TENM2: variants seen among roughly 807,000 people sequenced by gnomAD.
The protein encoded by TENM2 is teneurin transmembrane protein 2.
Under a neutral mutation model 245.2 loss-of-function variants are expected in TENM2, and 52 were observed. That is an observed-to-expected ratio of 0.21 (90% CI 0.17 to 0.27). TENM2 has a LOEUF of 0.27. TENM2 is among the 10% of genes least tolerant of loss of function. TENM2 has a pLI of 1.00. For missense variants in TENM2, 3,046 were observed against 3,666.8 expected, an observed-to-expected ratio of 0.83 and a Z score of 4.37; for synonymous variants, 1,363 against 1,438.9, an observed-to-expected ratio of 0.95 and a Z score of 1.19.
At chr5:167,499,751 G>T (rs1470484239) in intron 2 of TENM2, among the ~76,000 whole-genome samples, 1 of 152,054 alleles carries the variant, frequency 6.6e-6, no homozygotes, top group Non-Finnish European at 1.5e-5. Context: ...TTGGTTCATA[G>T]GTATTTGCTC....
At chr5:168,026,521 T>C (rs985807261) in intron 5 of TENM2, among the ~76,000 whole-genome samples, 2 of 152,204 alleles carry the variant, frequency 1.3e-5, no homozygotes, top group African/African-American at 4.8e-5. Flanking sequence ...AAATCATATG[T>C]GGTAAATTAT....
chr5:167,816,965 G>GA (rs1446184830), intron 2 of TENM2, among the ~76,000 whole-genome samples: 1 of 152,190 alleles, frequency 6.6e-6, no homozygotes, highest in Non-Finnish European at 1.5e-5. Context: ...ACTCGTATTA[G>GA]AAAGTGATTA....
chr5:167,987,706 A>G (rs1783356150), intron 4 of TENM2, among the ~76,000 whole-genome samples: 1 of 152,008 alleles, frequency 6.6e-6, no homozygotes, highest in South Asian at 2.1e-4. Flanking sequence ...TTTAACACTG[A>G]GTGCCGCGTT....
At chr5:167,534,795 G>A (rs922107101) in intron 2 of TENM2, among the ~76,000 whole-genome samples, 22 of 152,136 alleles carry the variant, frequency 1.4e-4, no homozygotes, top group African/African-American at 4.3e-4. Context: ...TTCTATTATC[G>A]TCTGTCAACG....
At chr5:167,239,132 C>T in the TENM2 span, among the ~76,000 whole-genome samples, 5 of 152,208 alleles carry the variant, frequency 3.3e-5, no homozygotes, top group African/African-American at 1.2e-4. Flanking sequence ...CTGGTCTCTC[C>T]AAGGTATCTT....
the TENM2 span, among the ~76,000 whole-genome samples, chr5:167,177,330 A>G: frequency 6.6e-6 from 1 of 152,326 alleles, no homozygotes; most frequent in African/African-American, 2.4e-5. Flanking sequence ...CGGTAATTAT[A>G]TCCAAAACTT....
intron 2 of TENM2, among the ~76,000 whole-genome samples, chr5:167,412,666 A>C (rs1278219823): frequency 2.0e-5 from 3 of 152,136 alleles, no homozygotes; most frequent in Non-Finnish European, 4.4e-5. Flanking sequence ...TAGAAAGGTT[A>C]GGCAATTTGT....
At chr5:167,748,953 C>T (rs1468312551) in intron 2 of TENM2, among the ~76,000 whole-genome samples, 5 of 152,070 alleles carry the variant, frequency 3.3e-5, no homozygotes, top group South Asian at 2.1e-4. Context: ...TGCTATATTG[C>T]CTAGGCTGGT....
At chr5:167,449,102 A>G (rs1221875428) in intron 2 of TENM2, among the ~76,000 whole-genome samples, 1 of 152,222 alleles carries the variant, frequency 6.6e-6, no homozygotes, top group Non-Finnish European at 1.5e-5. Flanking sequence ...TAATTTTCCA[A>G]ATAAAATTGT....
chr5:167,371,353 C>CTT (rs1760421036), intron 1 of TENM2, among the ~76,000 whole-genome samples: 5 of 118,034 alleles, frequency 4.2e-5, no homozygotes, highest in Admixed American at 8.5e-5. Flanking sequence ...TTTTTTCTTT[C>CTT]TTTTCTTTTT....
intron 9 of TENM2, among the ~76,000 whole-genome samples, chr5:168,113,137 A>G (rs963248895): frequency 3.3e-5 from 5 of 152,048 alleles, no homozygotes; most frequent in African/African-American, 1.2e-4. Flanking sequence ...GGCAACATAA[A>G]GAGACCCCGT....
chr5:167,203,507 T>G, the TENM2 span, among the ~76,000 whole-genome samples: 1 of 152,220 alleles, frequency 6.6e-6, no homozygotes, highest in African/African-American at 2.4e-5. Context: ...GTCCCCAGAC[T>G]GAAGCAAAGG....
At position 168,193,875 on chromosome 5, in the gene TENM2, T is replaced by G. The variant is rs1337896377; in HGVS notation, c.2781-1301T>G. On this transcript the variant is annotated intron_variant, in intron 14 of 28. Transcript: ENST00000518659. ...TTTCCACTTTAAAAGAGTCTAGCAT[T>G]GTGGTTAAAACCAGCTAAAAATGGC... Among the ~76,000 whole-genome samples the G allele has an allele frequency of 2.0e-5, 3 of 152,208 alleles. No homozygotes were observed. The East Asian group carries it at 5.8e-4, about 29-fold the overall frequency.
chr5:167,467,201 C>G (rs1401532449), intron 2 of TENM2, among the ~76,000 whole-genome samples: 2 of 152,036 alleles, frequency 1.3e-5, no homozygotes, highest in Non-Finnish European at 2.9e-5. Flanking sequence ...GCTGTTCTCG[C>G]GATAGTGAGT....
At chr5:167,462,008 T>A (rs1192751698) in intron 2 of TENM2, among the ~76,000 whole-genome samples, 1 of 152,148 alleles carries the variant, frequency 6.6e-6, no homozygotes, top group Non-Finnish European at 1.5e-5. Context: ...TCACTCAAAA[T>A]CAGTGCATCT....
In TENM2 at chr5:167,587,049, A is replaced by G. The variant is rs558147620; in HGVS notation, c.502+211576A>G. 5.9e-5 allele frequency among the ~76,000 whole-genome samples: 9 copies of G among 152,296 alleles called. No individual in the cohort carries two copies. The South Asian group carries it at 1.9e-3, about 32-fold the overall frequency. On this transcript the variant is annotated intron_variant, in intron 2 of 28. Coordinates refer to ENST00000518659, the Ensembl canonical transcript of TENM2. ...CTAATGGCCTCTGAATCCTATTACC[A>G]TCCCATTAGAGAGTGTGGGATTTTA...
At chr5:167,148,989 G>A in the TENM2 span, among the ~76,000 whole-genome samples, 3 of 151,886 alleles carry the variant, frequency 2.0e-5, no homozygotes, top group South Asian at 4.2e-4. Flanking sequence ...ATATTAGGAT[G>A]ACTTTTAAAT....
intron 5 of TENM2, among the ~76,000 whole-genome samples, chr5:168,031,346 G>A (rs1044562967): frequency 6.6e-6 from 1 of 152,176 alleles, no homozygotes; most frequent in African/African-American, 2.4e-5. Flanking sequence ...CAAAAGGCAA[G>A]CCATCTCAAA....
At chr5:168,109,094 T>G (rs1295850354) in intron 9 of TENM2, among the ~76,000 whole-genome samples, 1 of 152,174 alleles carries the variant, frequency 6.6e-6, no homozygotes, top group African/African-American at 2.4e-5. Flanking sequence ...AGACAGGCCA[T>G]GGACCATGAC....
Sources: allele counts gnomAD v4.1 joint callset (sites outside exome capture counted in the v4.1 genomes callset), GRCh38; gene constraint gnomAD v4.1.1; transcripts MANE v1.5; gene names NCBI Gene and HGNC (gene_info 2026-07-23, HGNC 2026-07-21).